CASK: variants seen among roughly 807,000 people sequenced by gnomAD.
CASK encodes the protein calcium/calmodulin dependent serine protein kinase.
CASK carries 4 observed loss-of-function variants against 82.9 expected under a neutral mutation model. That is an observed-to-expected ratio of 0.05 (90% CI 0.02 to 0.11). CASK has a LOEUF of 0.11. CASK is among the 10% of genes least tolerant of loss of function. The probability of loss-of-function intolerance (pLI) is 1.00; values close to 1 mark genes in which losing one functional copy is unlikely to be tolerated. For synonymous variants in CASK, 259 were observed against 253.5 expected, an observed-to-expected ratio of 1.02 and a Z score of -0.20; for missense variants, 358 against 720.9, an observed-to-expected ratio of 0.50 and a Z score of 5.76.
At chrX:41,700,812 T>C (rs1011731909) in intron 5 of CASK, among the ~76,000 whole-genome samples, 1 of 105,826 alleles carries the variant, frequency 9.4e-6, no homozygotes, top group Non-Finnish European at 1.9e-5. Context: ...ACTCCTGACC[T>C]CAGGTGATCC....
intron 3 of CASK, among the ~76,000 whole-genome samples, chrX:41,750,989 G>A (rs2068778512): frequency 8.9e-6 from 1 of 112,872 alleles, no homozygotes; most frequent in Admixed American, 9.4e-5. Flanking sequence ...GAACACTGTT[G>A]TACAGAGCAA....
chrX:41,605,421 C>A (rs2065944027), intron 12 of CASK, among the ~76,000 whole-genome samples: 1 of 107,093 alleles, frequency 9.3e-6, no homozygotes. Flanking sequence ...CCTGGGCAAA[C>A]ATGGTGAGAC....
rs191375407 is a variant in CASK, at chrX:41,855,997, A to G, written c.60-2770T>C. Reference sequence around the variant, plus strand: ...ATATGTTAGAAGTGAATATATCACTACAATATCCCCTAAGGTTTTGAAAAG... The same window carrying G: ...ATATGTTAGAAGTGAATATATCACTGCAATATCCCCTAAGGTTTTGAAAAG... On this transcript the variant is annotated intron_variant, in intron 1 of 26. Coordinates refer to ENST00000378163, the MANE Select transcript of CASK (RefSeq NM_001367721.1). Among the ~76,000 whole-genome samples the G allele has an allele frequency of 4.3e-3, 478 of 112,314 alleles. 3 individuals are homozygous for G. The highest frequency in any genetic ancestry group is 6.7e-3 in the Non-Finnish European group (356 of 53,211).
chrX:41,557,237 T>C lies in CASK; in HGVS notation c.1738-137A>G. The C allele has an allele frequency of 2.6e-5, 14 of 547,410 alleles. 1 individual carries two copies. The South Asian group carries it at 3.5e-4, about 14-fold the overall frequency. 45.1% of individuals were successfully genotyped at this position (547,410 alleles called of 1,213,427 possible). On this transcript the variant is annotated intron_variant, in intron 18 of 26. Coordinates refer to ENST00000378163, the MANE Select transcript of CASK (RefSeq NM_001367721.1). ...CTGTATAGGTGCCATACTGACTTGCTTGCATGATTTCACAGAAGTATGAAA... is the reference window on the plus strand; with the variant it reads ...CTGTATAGGTGCCATACTGACTTGCCTGCATGATTTCACAGAAGTATGAAA...
rs1349847248 is a variant in CASK at position 41,787,281 on chromosome X, G to A, written c.175C>T (p.Leu59=). Residue 59 remains leucine, a splice_region_variant and synonymous_variant, in exon 3 of 27, where the codon CTA becomes TTA. Coordinates refer to ENST00000378163, the MANE Select transcript of CASK (RefSeq NM_001367721.1). ...TGACAGATACTGGCTTCCCGCTTTA[G>A]ATCTGTAAAACAAACATACAGCATA... ...TSSPGLSTED[L]KREASICHML... 1 of 1,125,415 alleles carries A rather than the reference G, an allele frequency of 8.9e-7. No homozygotes were observed. Among genetic ancestry groups the A allele is most frequent in the Non-Finnish European group, 1.2e-6 (1 of 818,528 alleles). The allele number at this position is 1,125,415 out of a possible 1,213,427, so 92.7% of individuals were successfully genotyped here.
chrX:41,905,735 A>G (rs1005296835), intron 1 of CASK, among the ~76,000 whole-genome samples: 2 of 112,661 alleles, frequency 1.8e-5, no homozygotes, highest in Non-Finnish European at 3.8e-5. Context: ...ATTCATGCTC[A>G]CTGCACACCT....
intron 5 of CASK, among the ~76,000 whole-genome samples, chrX:41,731,742 T>A (rs1375595149): frequency 9.0e-6 from 1 of 110,993 alleles, no homozygotes; most frequent in Non-Finnish European, 1.9e-5. Context: ...GGCTATTTAA[T>A]GGCATAGTAA....
At chrX:41,635,086 T>G (rs2066530737) in intron 9 of CASK, among the ~76,000 whole-genome samples, 1 of 112,202 alleles carries the variant, frequency 8.9e-6, no homozygotes, top group African/African-American at 3.2e-5. Flanking sequence ...TGTCCCAAGC[T>G]ACATCTGTGC....
intron 1 of CASK, among the ~76,000 whole-genome samples, chrX:41,886,298 G>A (rs1359934381): frequency 2.7e-5 from 3 of 111,879 alleles, no homozygotes; most frequent in Non-Finnish European, 5.7e-5. Context: ...CATGTTTCCA[G>A]TTGAAGCTTA....
At chrX:41,765,327 T>A in intron 3 of CASK, among the ~76,000 whole-genome samples, 1 of 112,265 alleles carries the variant, frequency 8.9e-6, no homozygotes, top group Admixed American at 9.5e-5. Flanking sequence ...GTCCTTTAAA[T>A]CACAATTTAA....
At chrX:41,856,013 T>C (rs1284321528) in intron 1 of CASK, among the ~76,000 whole-genome samples, 1 of 112,113 alleles carries the variant, frequency 8.9e-6, no homozygotes, top group Admixed American at 9.4e-5. Context: ...TCCCCTAAGG[T>C]TTTGAAAAGA....
chrX:41,863,834 CTT>C (rs1467917760), intron 1 of CASK, among the ~76,000 whole-genome samples: 1 of 111,937 alleles, frequency 8.9e-6, no homozygotes, highest in Non-Finnish European at 1.9e-5. Flanking sequence ...ATAATCCACT[CTT>C]TGTAAATGGA....
chrX:41,651,152 T>C (rs2066859107), intron 8 of CASK, among the ~76,000 whole-genome samples: 1 of 112,244 alleles, frequency 8.9e-6, no homozygotes, highest in Non-Finnish European at 1.9e-5. Flanking sequence ...TTAGCCAAGA[T>C]AAGCTTTGAA....
intron 5 of CASK, among the ~76,000 whole-genome samples, chrX:41,721,671 A>G (rs1292526224): frequency 8.9e-6 from 1 of 112,194 alleles, no homozygotes; most frequent in African/African-American, 3.2e-5. Context: ...AAGCTAATTT[A>G]CTAATTGTAT....
At chrX:41,846,670 T>C (rs1047434219) in intron 2 of CASK, among the ~76,000 whole-genome samples, 12 of 111,864 alleles carry the variant, frequency 1.1e-4, no homozygotes, top group African/African-American at 2.9e-4. Context: ...CCTGATGTGA[T>C]TGCATGCCTG....
intron 25 of CASK, among the ~76,000 whole-genome samples, chrX:41,530,018 G>A (rs1048435271): frequency 8.9e-6 from 1 of 111,900 alleles, no homozygotes; most frequent in African/African-American, 3.3e-5. Context: ...CCCTGCCTAA[G>A]ATAGCCAGGT....
chrX:41,638,178 C>CA (rs1237362982), intron 8 of CASK, among the ~76,000 whole-genome samples: 1 of 111,029 alleles, frequency 9.0e-6, no homozygotes, highest in Non-Finnish European at 1.9e-5. Flanking sequence ...TGAGAAAACA[C>CA]AAAAAAGGTA....
At chrX:41,829,111 G>A (rs1379073859) in intron 2 of CASK, among the ~76,000 whole-genome samples, 5 of 110,487 alleles carry the variant, frequency 4.5e-5, no homozygotes, top group Non-Finnish European at 9.5e-5. Context: ...GACCACATGA[G>A]CTGACAAAAT....
chrX:41,629,739 T>G (rs1011963181), intron 9 of CASK, among the ~76,000 whole-genome samples: 3 of 112,154 alleles, frequency 2.7e-5, no homozygotes, highest in Non-Finnish European at 5.6e-5. Flanking sequence ...AATAAAACTT[T>G]ATATACAAGA....
Sources: gnomAD v4.1 joint callset for allele counts (sites outside exome capture counted in the v4.1 genomes callset) on GRCh38, gnomAD v4.1.1 for gene constraint, MANE v1.5 for transcripts, NCBI Gene and HGNC (gene_info 2026-07-23, HGNC 2026-07-21) for gene names.